Variants in CASD1 observed in about 807,000 individuals in gnomAD.
CASD1 encodes CAS1 domain sialic acid O acetyltransferase 1.
CASD1 carries 41 observed loss-of-function variants against 100.0 expected under a neutral mutation model. That is an observed-to-expected ratio of 0.41 (90% CI 0.32 to 0.53). The LOEUF is 0.53. Among genes scored for constraint, CASD1 ranks in the 20% least tolerant of loss-of-function variants. The pLI is 0.25. For synonymous variants in CASD1, 321 were observed against 315.6 expected (o/e 1.02, Z -0.18); for missense variants, 774 against 948.7 (o/e 0.82, Z 2.42).
Position 94,549,639 on chromosome 7 carries a change from G to A in CASD1, c.1815+5G>A. On this transcript the variant is annotated splice_donor_5th_base_variant and intron_variant, in intron 14 of 17. Transcript: ENST00000297273. ...AGATGGAGGTTAGACCGTTATGTATGTATTTACTTTGTGATATTTTGTCAT... is the reference window on the plus strand; with the variant it reads ...AGATGGAGGTTAGACCGTTATGTATATATTTACTTTGTGATATTTTGTCAT... 1 of 1,576,564 alleles carries A rather than the reference G, an allele frequency of 6.3e-7. No individual in the cohort carries two copies. The highest frequency in any genetic ancestry group is 1.8e-5 in the Admixed American group (1 of 55,504).
At chr7:94,575,545 A>G in the CASD1 span, among the ~76,000 whole-genome samples, 1 of 152,148 alleles carries the variant, frequency 6.6e-6, no homozygotes, top group South Asian at 2.1e-4. Flanking sequence ...AGTTCTGTAG[A>G]GGTCCATCAG....
chr7:94,545,891 AT>A (rs1795653437), intron 12 of CASD1, among the ~76,000 whole-genome samples, 190 bp downstream of exon 12: 1 of 152,078 alleles, frequency 6.6e-6, no homozygotes, highest in Non-Finnish European at 1.5e-5. Context: ...TTAAAGTAAT[AT>A]AACAGTGGAG....
At chr7:94,557,225 T>A (rs1796239485), downstream of CASD1, among the ~76,000 whole-genome samples, 2 of 152,202 alleles carry the variant, frequency 1.3e-5, no homozygotes, top group South Asian at 4.1e-4. Context: ...TTGAAGATTT[T>A]AAAAATGTAC....
At chr7:94,585,303 G>A in the CASD1 span, 6 of 497,430 alleles carry the variant, frequency 1.2e-5, no homozygotes, top group East Asian at 8.6e-5. Context: ...TTTACAAATT[G>A]TCAAAAATGC....
chr7:94,522,886 C>T (rs1210838385), intron 3 of CASD1, among the ~76,000 whole-genome samples: 3 of 152,176 alleles, frequency 2.0e-5, no homozygotes, highest in Non-Finnish European at 4.4e-5. Flanking sequence ...TGGTCTCGAT[C>T]TCCTGACCTC....
At chr7:94,597,936 G>C in the CASD1 span, 16 of 157,492 alleles carry the variant, frequency 1.0e-4, no homozygotes, top group Admixed American at 9.6e-4. Context: ...GAACCTGGGA[G>C]GCGGAGGCTG....
rs758378680 is a variant in CASD1 at position 94,547,127 on chromosome 7, G to C, written c.1665G>C (p.Leu555Phe). The C allele has an allele frequency of 1.9e-6, 3 of 1,592,710 alleles. No individual in the cohort carries two copies. The highest frequency in any genetic ancestry group is 2.6e-6 in the Non-Finnish European group (3 of 1,169,034). The stretch of plus-strand genomic sequence containing the variant: ...GTTTCTGGCATTTTGGCTTACTGTT[G>C]AAACTAGGCTTTTTGCTGTTATTCA... ...GNCFWHFGLL[L>F]KLGFLLLFIC... The change falls in exon 13 of 18, where the codon TTG becomes TTC. Residue 555 changes from leucine (L) to phenylalanine (F), a missense_variant. Transcript: ENST00000297273.
At chr7:94,521,044 A>T (rs1432892116) in intron 3 of CASD1, among the ~76,000 whole-genome samples, 1 of 152,120 alleles carries the variant, frequency 6.6e-6, no homozygotes, top group African/African-American at 2.4e-5. Flanking sequence ...GTGAGCTGAG[A>T]TCATGCCACT....
intron 5 of CASD1, among the ~76,000 whole-genome samples, chr7:94,530,492 C>T (rs1045701786): frequency 1.2e-4 from 19 of 152,104 alleles, no homozygotes; most frequent in African/African-American, 4.6e-4. Flanking sequence ...TTTTTAACTA[C>T]TTCTAAATAC....
At chr7:94,546,745 G>A (rs1425503592) in intron 12 of CASD1, among the ~76,000 whole-genome samples, 1 of 151,876 alleles carries the variant, frequency 6.6e-6, no homozygotes, top group Non-Finnish European at 1.5e-5. Flanking sequence ...TTCAACAGGA[G>A]TGTTTGTTAG....
the CASD1 span, among the ~76,000 whole-genome samples, chr7:94,576,251 T>G: frequency 6.6e-6 from 1 of 152,228 alleles, no homozygotes; most frequent in Admixed American, 6.5e-5. Context: ...TTCTGCTGCC[T>G]GCTCAAATCT....
downstream of CASD1, among the ~76,000 whole-genome samples, chr7:94,557,403 T>G (rs991574515): frequency 6.6e-6 from 1 of 152,088 alleles, no homozygotes; most frequent in Non-Finnish European, 1.5e-5. Flanking sequence ...TTGCTCTGCC[T>G]CCTAGACTGC....
chr7:94,581,100 C>G, the CASD1 span, among the ~76,000 whole-genome samples: 2 of 152,152 alleles, frequency 1.3e-5, no homozygotes, highest in African/African-American at 4.8e-5. Flanking sequence ...AAAAATATCA[C>G]TCTCCTAGTG....
chr7:94,618,859 C>T, the CASD1 span: 2 of 1,614,060 alleles, frequency 1.2e-6, no homozygotes, highest in African/African-American at 2.7e-5. Flanking sequence ...ACACATTTTT[C>T]ACTGCGCCAA....
the CASD1 span, chr7:94,598,954 C>T: frequency 1.7e-5 from 28 of 1,613,080 alleles, no homozygotes; most frequent in Non-Finnish European, 2.4e-5. Context: ...TGTGATGGAC[C>T]AGTTGGATGC....
downstream of CASD1, among the ~76,000 whole-genome samples, chr7:94,559,308 G>GTGTGTGTGTGTA (rs61001773): frequency 0.033 from 4,063 of 123,460 alleles, 98 homozygotes; most frequent in East Asian, 0.17. Flanking sequence ...GTGTGTGTAT[G>GTGTGTGTGTGTA]TGTGTGTGTG....
At chr7:94,583,212 G>GTCA in the CASD1 span, among the ~76,000 whole-genome samples, 1 of 152,130 alleles carries the variant, frequency 6.6e-6, no homozygotes, top group Admixed American at 6.5e-5. Flanking sequence ...GCTCTTTTCT[G>GTCA]TCATCAGTGT....
In CASD1 at chr7:94,537,741, C is replaced by T; in HGVS notation, c.1113C>T (p.Phe371=). The change falls in exon 9 of 18, where the codon TTC becomes TTT. Residue 371 remains phenylalanine (F), a synonymous_variant. Coordinates refer to ENST00000297273, the MANE Select transcript of CASD1 (RefSeq NM_022900.5). The part of the protein sequence containing the change: ...VSSLEILLQS[F]CKLGLIMAYF... ...CATTAGAAATACTTTTACAATCTTTCTGCAAACTTGGCCTGATTATGGCAT... is the reference window on the plus strand; with the variant it reads ...CATTAGAAATACTTTTACAATCTTTTTGCAAACTTGGCCTGATTATGGCAT... 6.2e-7 allele frequency: 1 copy of T among 1,613,786 alleles called. No homozygotes were observed. Among genetic ancestry groups the T allele is most frequent in the Non-Finnish European group, 8.5e-7 (1 of 1,179,876 alleles).
At chr7:94,574,477 AT>A in the CASD1 span, among the ~76,000 whole-genome samples, 1 of 152,108 alleles carries the variant, frequency 6.6e-6, no homozygotes, top group African/African-American at 2.4e-5. Flanking sequence ...GTGTCCAAGA[AT>A]TTATCCATCT....
Sources: gnomAD v4.1 joint callset for allele counts (sites outside exome capture counted in the v4.1 genomes callset) on GRCh38, gnomAD v4.1.1 for gene constraint, MANE v1.5 for transcripts, NCBI Gene and HGNC (gene_info 2026-07-23, HGNC 2026-07-21) for gene names.